The following NXPH1 variants were observed in gnomAD, a reference collection of about 807,000 sequenced individuals.
NXPH1 encodes neurexophilin 1, also known as neurexophilin-1.
Under a neutral mutation model 23.7 loss-of-function variants are expected in NXPH1, and 5 were observed. The observed-to-expected ratio is 0.21, with a 90% confidence interval of 0.11 to 0.44. The LOEUF (loss-of-function observed/expected upper bound fraction) is 0.44, where lower values mean the gene tolerates loss of function less well. Among genes scored for constraint, NXPH1 ranks in the 20% least tolerant of loss-of-function variants. The probability of loss-of-function intolerance (pLI) is 0.99; values close to 1 mark genes in which losing one functional copy is unlikely to be tolerated. For synonymous variants in NXPH1, 144 were observed against 122.2 expected, an observed-to-expected ratio of 1.18 and a Z score of -1.18; for missense variants, 324 against 321.6, an observed-to-expected ratio of 1.01 and a Z score of -0.06.
At chr7:8,710,787 C>T (rs1307264835) in intron 2 of NXPH1, among the ~76,000 whole-genome samples, 2 of 138,140 alleles carry the variant, frequency 1.4e-5, no homozygotes, top group South Asian at 2.3e-4. Flanking sequence ...CTCAGCCTCC[C>T]CAGTAGCTGG....
At chr7:8,468,089 T>C (rs1269708202) in intron 2 of NXPH1, among the ~76,000 whole-genome samples, 1 of 152,102 alleles carries the variant, frequency 6.6e-6, no homozygotes, top group Non-Finnish European at 1.5e-5. Context: ...GAAAATGGTT[T>C]GTGCCATGTT....
At position 8,481,658 on chromosome 7, in the gene NXPH1, T is replaced by G. The variant is rs566786227; in HGVS notation, c.54+45891T>G. ...AATGCTTTATCTTGCTTTAATAACT[T>G]TAATTTCATCTTATTTTTTCATTTT... On this transcript the variant is annotated intron_variant, in intron 2 of 2. Transcript: ENST00000405863. Among the ~76,000 whole-genome samples the G allele has an allele frequency of 2.4e-3, 359 of 152,300 alleles. 1 individual carries two copies. The highest frequency in any genetic ancestry group is 8.2e-3 in the African/African-American group (343 of 41,578).
At chr7:8,615,132 A>AAATTAG (rs1487702986) in intron 2 of NXPH1, among the ~76,000 whole-genome samples, 1 of 152,024 alleles carries the variant, frequency 6.6e-6, no homozygotes, top group Non-Finnish European at 1.5e-5. Flanking sequence ...ATTGGGGGAA[A>AAATTAG]ATGTACGAAT....
intron 2 of NXPH1, among the ~76,000 whole-genome samples, chr7:8,450,973 T>C (rs1455884170): frequency 6.6e-6 from 1 of 152,206 alleles, no homozygotes; most frequent in Non-Finnish European, 1.5e-5. Flanking sequence ...GATTTATTTA[T>C]AGAATGTGTG....
intron 2 of NXPH1, among the ~76,000 whole-genome samples, chr7:8,668,062 T>TTTAATTTATG (rs71017616): frequency 6.6e-6 from 1 of 151,218 alleles, no homozygotes. Context: ...AAAAAATTAT[T>TTTAATTTATG]TTAAATTTCT....
At chr7:8,606,192 T>G (rs1819485661) in intron 2 of NXPH1, among the ~76,000 whole-genome samples, 1 of 152,128 alleles carries the variant, frequency 6.6e-6, no homozygotes, top group East Asian at 1.9e-4. Flanking sequence ...TTTCCTTTAT[T>G]ACATTTAGGA....
At chr7:8,623,540 G>A (rs1275702816) in intron 2 of NXPH1, among the ~76,000 whole-genome samples, 1 of 151,744 alleles carries the variant, frequency 6.6e-6, no homozygotes, top group Non-Finnish European at 1.5e-5. Context: ...AACTGTGATC[G>A]AATCATAGTT....
At position 8,617,155 on chromosome 7, in the gene NXPH1, T is replaced by A. The variant is rs77802422; in HGVS notation, c.55-133853T>A. Among the ~76,000 whole-genome samples, 457 of 152,184 alleles carry A rather than the reference T, an allele frequency of 3.0e-3. 3 individuals carry two copies. The highest frequency in any genetic ancestry group is 0.01 in the African/African-American group (431 of 41,538). On this transcript the variant is annotated intron_variant, in intron 2 of 2. Coordinates refer to ENST00000405863, the MANE Select transcript of NXPH1 (RefSeq NM_152745.3). The stretch of plus-strand genomic sequence containing the variant: ...AGGGATGCTGGAAACCATCCTACAA[T>A]GCGCAGAACACTCTCCAATTATCCA...
chr7:8,499,236 ACAGTT>A (rs1817390790), intron 2 of NXPH1, among the ~76,000 whole-genome samples: 1 of 152,074 alleles, frequency 6.6e-6, no homozygotes, highest in Admixed American at 6.6e-5. Flanking sequence ...ACAAAAAAGA[ACAGTT>A]TGTTTGAGCA....
Position 8,725,708 on chromosome 7 carries a change from A to G in NXPH1, c.55-25300A>G, listed in dbSNP as rs144846843. ...ACTTTATTTTTTCTTAGACAATGCC[A>G]CACTAGAACATTGGATTTGCTCTGC... is the stretch of plus-strand genomic sequence containing the variant. On this transcript the variant is annotated intron_variant, in intron 2 of 2. Coordinates refer to ENST00000405863, the MANE Select transcript of NXPH1 (RefSeq NM_152745.3). Among the ~76,000 whole-genome samples, 118 of 152,304 alleles carry G rather than the reference A, an allele frequency of 7.7e-4. 1 individual carries two copies. Among genetic ancestry groups the G allele is most frequent in the African/African-American group, 2.8e-3 (116 of 41,546 alleles).
intron 2 of NXPH1, among the ~76,000 whole-genome samples, chr7:8,699,255 G>A (rs922420112): frequency 6.6e-6 from 1 of 152,032 alleles, no homozygotes; most frequent in African/African-American, 2.4e-5. Flanking sequence ...TCACAAACTT[G>A]CCTCATACTT....
chr7:8,466,590 T>C (rs1201011177), intron 2 of NXPH1, among the ~76,000 whole-genome samples: 2 of 152,152 alleles, frequency 1.3e-5, no homozygotes, highest in African/African-American at 2.4e-5. Context: ...CGAAGGGACA[T>C]TGTAAATTAA....
At chr7:8,555,634 C>T (rs183547794) in intron 2 of NXPH1, among the ~76,000 whole-genome samples, 14 of 151,800 alleles carry the variant, frequency 9.2e-5, no homozygotes, top group Admixed American at 5.3e-4. Context: ...CTTTGCTGAC[C>T]TCTTGTCCAA....
At chr7:8,622,545 A>T (rs777623226) in intron 2 of NXPH1, among the ~76,000 whole-genome samples, 1 of 152,230 alleles carries the variant, frequency 6.6e-6, no homozygotes, top group Non-Finnish European at 1.5e-5. Flanking sequence ...TGTGTTTACT[A>T]CTAGTGAGTG....
intron 2 of NXPH1, among the ~76,000 whole-genome samples, chr7:8,588,772 T>C (rs186465892): frequency 6.0e-4 from 92 of 152,232 alleles, no homozygotes; most frequent in African/African-American, 1.9e-3. Flanking sequence ...CCTCCTCTAA[T>C]TGGTGCCAGA....
intron 2 of NXPH1, among the ~76,000 whole-genome samples, chr7:8,680,528 C>T (rs1325021115): frequency 6.6e-6 from 1 of 152,108 alleles, no homozygotes; most frequent in African/African-American, 2.4e-5. Context: ...TATATAGATG[C>T]TTAGTTAAAA....
intron 2 of NXPH1, among the ~76,000 whole-genome samples, chr7:8,444,685 C>G (rs888477510): frequency 1.3e-5 from 2 of 152,212 alleles, no homozygotes; most frequent in African/African-American, 4.8e-5. Context: ...GTGCATTTGT[C>G]AGTGCCTCGT....
At chr7:8,692,006 A>C (rs1482831848) in intron 2 of NXPH1, among the ~76,000 whole-genome samples, 1 of 151,970 alleles carries the variant, frequency 6.6e-6, no homozygotes, top group African/African-American at 2.4e-5. Flanking sequence ...ATACTTTTCT[A>C]GTCTGTAGGA....
In NXPH1 at chr7:8,731,070, T is replaced by C. The variant is rs558765859; in HGVS notation, c.55-19938T>C. Reference sequence around the variant, plus strand: ...TATTGTTTTTTCTCTAAACTTCCCTTCTCGCTTCATTTCATTCATTTCATC... The same window carrying C: ...TATTGTTTTTTCTCTAAACTTCCCTCCTCGCTTCATTTCATTCATTTCATC... On this transcript the variant is annotated intron_variant, in intron 2 of 2. Transcript: ENST00000405863. Among the ~76,000 whole-genome samples the C allele has an allele frequency of 9.0e-4, 136 of 150,588 alleles. 3 individuals are homozygous for C. The highest frequency in any genetic ancestry group is 3.3e-3 in the African/African-American group (134 of 40,756).
Sources: gnomAD v4.1 joint callset for allele counts (sites outside exome capture counted in the v4.1 genomes callset) on GRCh38, gnomAD v4.1.1 for gene constraint, MANE v1.5 for transcripts, NCBI Gene and HGNC (gene_info 2026-07-23, HGNC 2026-07-21) for gene names.